ZFHX3: variants seen among roughly 807,000 people sequenced by gnomAD.
The protein encoded by ZFHX3 is zinc finger homeobox 3, also known as zinc finger homeobox protein 3.
In ZFHX3, 42 loss-of-function variants were observed where a neutral mutation model predicts 279.1. That is an observed-to-expected ratio of 0.15 (90% CI 0.12 to 0.19). The LOEUF is 0.19. Among genes scored for constraint, ZFHX3 ranks in the 10% least tolerant of loss-of-function variants. The pLI is 1.00. For missense variants in ZFHX3, 4,981 were observed against 4,754.0 expected (o/e 1.05, Z -1.40); for synonymous variants, 2,293 against 1,957.8 (o/e 1.17, Z -4.52).
chr16:72,839,201 C>G (rs1020860451), intron 4 of ZFHX3, among the ~76,000 whole-genome samples: 3 of 152,026 alleles, frequency 2.0e-5, no homozygotes, highest in African/African-American at 4.8e-5. Context: ...CCCTTCCCCC[C>G]CCCATTTTCC....
chr16:73,883,586 C>T (rs1170055753), intron 1 of ZFHX3, among the ~76,000 whole-genome samples: 1 of 151,938 alleles, frequency 6.6e-6, no homozygotes, highest in Non-Finnish European at 1.5e-5. Flanking sequence ...GCCTTTCTTC[C>T]GTGTACAAAA....
chr16:73,198,638 CT>C (rs1182519326), intron 5 of ZFHX3, among the ~76,000 whole-genome samples: 2 of 152,112 alleles, frequency 1.3e-5, no homozygotes, highest in Non-Finnish European at 2.9e-5. Flanking sequence ...TTGTGGTTTC[CT>C]TTTCCTATAT....
At chr16:73,296,311 T>C (rs934239552) in intron 4 of ZFHX3, among the ~76,000 whole-genome samples, 1 of 152,146 alleles carries the variant, frequency 6.6e-6, no homozygotes, top group Admixed American at 6.5e-5. Flanking sequence ...ATGTTACAAC[T>C]GAATTAAGAA....
intron 2 of ZFHX3, among the ~76,000 whole-genome samples, chr16:73,532,508 T>C (rs890396377): frequency 6.6e-6 from 1 of 152,124 alleles, no homozygotes; most frequent in Non-Finnish European, 1.5e-5. Context: ...ATAGTAGTCA[T>C]CACCAGAAGC....
chr16:73,880,792 C>A (rs188676226), intron 1 of ZFHX3, among the ~76,000 whole-genome samples: 1 of 152,136 alleles, frequency 6.6e-6, no homozygotes, highest in African/African-American at 2.4e-5. Flanking sequence ...TTAACATCTA[C>A]CAAGAATATC....
chr16:73,555,974 A>G (rs2020276287), intron 2 of ZFHX3, among the ~76,000 whole-genome samples: 1 of 152,158 alleles, frequency 6.6e-6, no homozygotes, highest in African/African-American at 2.4e-5. Context: ...CAGGCAGTGA[A>G]AGACAAGCAT....
intron 3 of ZFHX3, among the ~76,000 whole-genome samples, chr16:73,343,593 G>A (rs919584628): frequency 3.3e-5 from 5 of 152,124 alleles, no homozygotes; most frequent in African/African-American, 1.2e-4. Context: ...GGGCATGATG[G>A]TGCCTATCTG....
chr16:73,424,417 G>A (rs2017773015), intron 3 of ZFHX3, among the ~76,000 whole-genome samples: 1 of 152,116 alleles, frequency 6.6e-6, no homozygotes, highest in Non-Finnish European at 1.5e-5. Flanking sequence ...GCTTGAACAT[G>A]GCTCACCTTG....
At chr16:73,671,613 A>G (rs1308954504) in intron 2 of ZFHX3, among the ~76,000 whole-genome samples, 2 of 152,240 alleles carry the variant, frequency 1.3e-5, no homozygotes, top group Non-Finnish European at 2.9e-5. Context: ...ATACATGTAC[A>G]TGGGAGCTGG....
chr16:73,874,094 G>A (rs1003217660), intron 1 of ZFHX3, among the ~76,000 whole-genome samples: 1 of 152,140 alleles, frequency 6.6e-6, no homozygotes, highest in Non-Finnish European at 1.5e-5. Flanking sequence ...TCCTCTGTCT[G>A]TGAACATTCA....
chr16:73,511,064 T>A (rs1438479936), intron 2 of ZFHX3, among the ~76,000 whole-genome samples: 1 of 152,246 alleles, frequency 6.6e-6, no homozygotes, highest in Non-Finnish European at 1.5e-5. Context: ...TCAGATGAGG[T>A]ACCTGTAGGA....
intron 2 of ZFHX3, among the ~76,000 whole-genome samples, 200 bp downstream of exon 2, chr16:72,957,227 G>A (rs1467367971): frequency 6.6e-6 from 1 of 152,178 alleles, no homozygotes; most frequent in Non-Finnish European, 1.5e-5. Flanking sequence ...TATCTCTTTT[G>A]AATGCATAAA....
intron 4 of ZFHX3, among the ~76,000 whole-genome samples, chr16:73,303,000 G>A (rs1597272751): frequency 6.6e-6 from 1 of 152,020 alleles, no homozygotes; most frequent in African/African-American, 2.4e-5. Context: ...CTCTAAATGG[G>A]CAGGATTCTG....
intron 5 of ZFHX3, among the ~76,000 whole-genome samples, chr16:72,812,987 C>T (rs1023881740): frequency 6.6e-6 from 1 of 152,142 alleles, no homozygotes; most frequent in African/African-American, 2.4e-5. Context: ...CTCCTCCTTC[C>T]AGTAGAGGCA....
In ZFHX3 at chr16:73,720,380, G is replaced by A. The variant is rs182095152; in HGVS notation, c.-1607-40140C>T. 5.9e-5 allele frequency among the ~76,000 whole-genome samples: 9 copies of A among 152,184 alleles called. No individual in the cohort carries two copies. In the East Asian group the frequency reaches 1.2e-3, roughly 20 times the overall value. ...ATGTATGTATGAAGAATTTTATCTC[G>A]CTATCATTTAAAAGGGAGAAAAATT... On this transcript the variant is annotated intron_variant, in intron 1 of 17. Transcript: ENST00000641206.
intron 5 of ZFHX3, among the ~76,000 whole-genome samples, chr16:73,207,943 A>G (rs140642217): frequency 1.3e-5 from 2 of 152,280 alleles, no homozygotes; most frequent in South Asian, 2.1e-4. Context: ...CAGCTTTTCT[A>G]CTTCTGAGGA....
At chr16:73,169,565 C>G (rs1164192877) in intron 5 of ZFHX3, among the ~76,000 whole-genome samples, 1 of 151,868 alleles carries the variant, frequency 6.6e-6, no homozygotes, top group Non-Finnish European at 1.5e-5. Flanking sequence ...TCACTTGAAC[C>G]TGGGAGGCAG....
At chr16:73,219,212 C>T (rs1036995010) in intron 5 of ZFHX3, among the ~76,000 whole-genome samples, 6 of 152,126 alleles carry the variant, frequency 3.9e-5, no homozygotes, top group Non-Finnish European at 7.4e-5. Flanking sequence ...CATTTAGGTT[C>T]TTGGATGTGG....
At chr16:73,400,739 C>A (rs546780343) in intron 3 of ZFHX3, 1 of 152,358 alleles carries the variant, frequency 6.6e-6, no homozygotes, top group South Asian at 2.1e-4. Context: ...TGGTTAGGGG[C>A]AAGGCTTTTC....
Sources: gnomAD v4.1 joint callset for allele counts (sites outside exome capture counted in the v4.1 genomes callset) on GRCh38, gnomAD v4.1.1 for gene constraint, MANE v1.5 for transcripts, NCBI Gene and HGNC (gene_info 2026-07-23, HGNC 2026-07-21) for gene names.